The following ZFPM2 variants were observed in gnomAD, a reference collection of about 807,000 sequenced individuals.
ZFPM2 encodes zinc finger protein, FOG family member 2, also known as zinc finger protein ZFPM2.
In ZFPM2, 20 loss-of-function variants were observed where a neutral mutation model predicts 98.6. The ratio of observed to expected loss-of-function variants is 0.20; its 90% CI spans 0.14 to 0.29. ZFPM2 has a LOEUF of 0.29. Ranked by LOEUF, ZFPM2 falls within the 10% of genes least tolerant of loss-of-function variation. ZFPM2 has a pLI of 1.00. For synonymous variants in ZFPM2, 518 were observed against 502.7 expected (o/e 1.03, Z -0.41); for missense variants, 1,310 against 1,388.6 (o/e 0.94, Z 0.90).
intron 1 of ZFPM2, among the ~76,000 whole-genome samples, chr8:105,353,791 A>C (rs1303898373): frequency 3.3e-5 from 5 of 152,124 alleles, no homozygotes; most frequent in Admixed American, 6.5e-5. Flanking sequence ...ATTGCCCTTT[A>C]GTGTTTGCTT....
intron 5 of ZFPM2, among the ~76,000 whole-genome samples, chr8:105,755,623 T>A (rs1812580437): frequency 2.0e-5 from 3 of 152,288 alleles, no homozygotes; most frequent in Admixed American, 2.0e-4. Context: ...AATATTAATT[T>A]GTTGGTACAA....
chr8:105,609,485 A>G (rs1816261717), intron 4 of ZFPM2, among the ~76,000 whole-genome samples: 1 of 152,152 alleles, frequency 6.6e-6, no homozygotes, highest in South Asian at 2.1e-4. Flanking sequence ...TGTACTCTAA[A>G]AGCTACAAGC....
chr8:105,803,039 G>C lies in ZFPM2; in HGVS notation c.2957G>C (p.Gly986Ala). The change falls in exon 8 of 8, where the codon GGA becomes GCA. Residue 986 changes from glycine to alanine, a missense_variant. By Grantham distance (60) the Gly-to-Ala change is moderately conservative. Transcript: ENST00000407775. ...GCCGACCAGCTTTCTCCATATTATG[G>C]AATCAAGCCAAGTGATTATATTTCT... ...KGADQLSPYY[G>A]IKPSDYISGS... 1 of 1,613,444 alleles carries C rather than the reference G, an allele frequency of 6.2e-7. No homozygotes were observed. The highest frequency in any genetic ancestry group is 8.5e-7 in the Non-Finnish European group (1 of 1,179,692).
At chr8:105,770,149 T>A (rs1812948752) in intron 5 of ZFPM2, among the ~76,000 whole-genome samples, 1 of 152,084 alleles carries the variant, frequency 6.6e-6, no homozygotes. Context: ...ATGAGAATAC[T>A]GGAAAAAAAT....
At chr8:105,394,151 C>T (rs1345944565) in intron 1 of ZFPM2, among the ~76,000 whole-genome samples, 1 of 152,050 alleles carries the variant, frequency 6.6e-6, no homozygotes, top group Non-Finnish European at 1.5e-5. Flanking sequence ...CCTCGGCCTC[C>T]CAAAGTGCTG....
chr8:105,378,069 A>G (rs1027274046), intron 1 of ZFPM2, among the ~76,000 whole-genome samples: 1 of 152,202 alleles, frequency 6.6e-6, no homozygotes, highest in African/African-American at 2.4e-5. Flanking sequence ...ATATGTCACT[A>G]TGATTTTTTA....
chr8:105,758,523 G>C (rs1224889144), intron 5 of ZFPM2, among the ~76,000 whole-genome samples: 1 of 152,058 alleles, frequency 6.6e-6, no homozygotes, highest in African/African-American at 2.4e-5. Flanking sequence ...ATAATTACTA[G>C]AAGTAATGTA....
chr8:105,605,225 C>G (rs538027578), intron 4 of ZFPM2, among the ~76,000 whole-genome samples: 58 of 152,230 alleles, frequency 3.8e-4, no homozygotes, highest in African/African-American at 1.4e-3. Flanking sequence ...ATCCTGACTT[C>G]ATCACTCTCT....
intron 5 of ZFPM2, among the ~76,000 whole-genome samples, chr8:105,759,580 TTGTGTGTGTG>T (rs5893760): frequency 1.6e-3 from 232 of 146,976 alleles, no homozygotes; most frequent in Non-Finnish European, 2.9e-3. Flanking sequence ...TTGATAATCC[TTGTGTGTGTG>T]TGTGTGTGTG....
intron 3 of ZFPM2, among the ~76,000 whole-genome samples, chr8:105,548,069 C>G (rs1814753542): frequency 6.6e-6 from 1 of 151,740 alleles, no homozygotes; most frequent in African/African-American, 2.4e-5. Flanking sequence ...GTGTCTGATT[C>G]TGCTTTCAGA....
At chr8:105,779,496 G>A (rs181232560) in intron 5 of ZFPM2, among the ~76,000 whole-genome samples, 9 of 152,286 alleles carry the variant, frequency 5.9e-5, no homozygotes, top group Admixed American at 1.3e-4. Context: ...TTTTACCATT[G>A]TAAGAAGCCA....
chr8:105,599,875 T>A (rs779607804), intron 4 of ZFPM2, among the ~76,000 whole-genome samples: 3 of 150,810 alleles, frequency 2.0e-5, no homozygotes, highest in African/African-American at 4.9e-5. Context: ...ATGTGCACTT[T>A]AAAAAAAAAA....
intron 4 of ZFPM2, among the ~76,000 whole-genome samples, chr8:105,632,154 G>A (rs906058954): frequency 6.6e-6 from 1 of 151,688 alleles, no homozygotes; most frequent in Non-Finnish European, 1.5e-5. Flanking sequence ...GTTTTGTTTT[G>A]TTTTGTTTTG....
At chr8:105,685,468 G>A (rs759076139) in intron 5 of ZFPM2, among the ~76,000 whole-genome samples, 10 of 151,772 alleles carry the variant, frequency 6.6e-5, no homozygotes, top group Admixed American at 2.0e-4. Context: ...GCTTACCTAC[G>A]TTGCATTTTC....
chr8:105,339,795 C>T (rs977327866), intron 1 of ZFPM2, among the ~76,000 whole-genome samples: 1 of 151,898 alleles, frequency 6.6e-6, no homozygotes, highest in African/African-American at 2.4e-5. Flanking sequence ...TATTCTCTCT[C>T]TCGCTCTGCT....
chr8:105,609,606 C>T (rs544394259), intron 4 of ZFPM2, among the ~76,000 whole-genome samples: 10 of 152,134 alleles, frequency 6.6e-5, no homozygotes, highest in Non-Finnish European at 8.8e-5. Flanking sequence ...ATCACTGCCC[C>T]GCCTTGCGTT....
intron 3 of ZFPM2, among the ~76,000 whole-genome samples, chr8:105,516,800 C>G (rs1374321457): frequency 2.0e-5 from 3 of 152,142 alleles, no homozygotes; most frequent in Non-Finnish European, 2.9e-5. Flanking sequence ...GTGTGTCCAG[C>G]ACCGTTCCAG....
At chr8:105,787,420 C>A (rs1205305806) in intron 5 of ZFPM2, 1 of 152,170 alleles carries the variant, frequency 6.6e-6, no homozygotes, top group African/African-American at 2.4e-5. Context: ...CAATCATATA[C>A]TCTCACAGAT....
chr8:105,645,298 T>G (rs774404430), intron 5 of ZFPM2, among the ~76,000 whole-genome samples: 1 of 152,244 alleles, frequency 6.6e-6, no homozygotes, highest in Admixed American at 6.5e-5. Flanking sequence ...TTTACAAGAT[T>G]TATTTTCTCT....
Sources: gnomAD v4.1 joint callset for allele counts (sites outside exome capture counted in the v4.1 genomes callset) on GRCh38, gnomAD v4.1.1 for gene constraint, MANE v1.5 for transcripts, NCBI Gene and HGNC (gene_info 2026-07-23, HGNC 2026-07-21) for gene names.